ARIH1: variants seen among roughly 807,000 people sequenced by gnomAD.
The protein encoded by ARIH1 is ariadne RBR E3 ubiquitin protein ligase 1, also known as E3 ubiquitin-protein ligase ARIH1.
A neutral mutation model predicts 85.0 loss-of-function variants in ARIH1; 8 were observed. The ratio of observed to expected loss-of-function variants is 0.09; its 90% CI spans 0.06 to 0.17. ARIH1 has a LOEUF of 0.17. Among genes scored for constraint, ARIH1 ranks in the 10% least tolerant of loss-of-function variants. The pLI is 1.00. For synonymous variants in ARIH1, 238 were observed against 253.6 expected (o/e 0.94, Z 0.59); for missense variants, 311 against 718.1 (o/e 0.43, Z 6.48).
intron 2 of ARIH1, among the ~76,000 whole-genome samples, chr15:72,525,039 A>G (rs547720737): frequency 6.6e-6 from 1 of 152,212 alleles, no homozygotes; most frequent in East Asian, 1.9e-4. Context: ...GGTGCGTGCC[A>G]CCATCTCTGG....
At chr15:72,556,116 T>G (rs2064173513) in intron 5 of ARIH1, among the ~76,000 whole-genome samples, 1 of 152,230 alleles carries the variant, frequency 6.6e-6, no homozygotes, top group South Asian at 2.1e-4. Context: ...GCATGGTAGC[T>G]AGATTTTGAT....
chr15:72,524,100 C>T, intron 2 of ARIH1, among the ~76,000 whole-genome samples: 1 of 151,994 alleles, frequency 6.6e-6, no homozygotes, highest in Middle Eastern at 3.4e-3. Flanking sequence ...GCGCCTGCCA[C>T]CATGCCTGGC....
At chr15:72,490,951 A>G (rs1246048434) in intron 1 of ARIH1, among the ~76,000 whole-genome samples, 1 of 152,072 alleles carries the variant, frequency 6.6e-6, no homozygotes, top group African/African-American at 2.4e-5. Flanking sequence ...CCCCGTGTCT[A>G]CTAAAAATAT....
At chr15:72,545,367 C>A (rs1470340069) in intron 3 of ARIH1, among the ~76,000 whole-genome samples, 2 of 152,192 alleles carry the variant, frequency 1.3e-5, no homozygotes, top group Admixed American at 1.3e-4. Flanking sequence ...TGCTAGGGAA[C>A]TCTCAGAATT....
At chr15:72,545,589 A>G (rs974992224) in intron 3 of ARIH1, among the ~76,000 whole-genome samples, 6 of 152,228 alleles carry the variant, frequency 3.9e-5, no homozygotes, top group African/African-American at 1.4e-4. Flanking sequence ...CACTTGGGGA[A>G]GCCAAGGTGG....
At chr15:72,514,550 C>A (rs965699762) in intron 1 of ARIH1, among the ~76,000 whole-genome samples, 2 of 151,148 alleles carry the variant, frequency 1.3e-5, no homozygotes, top group Admixed American at 6.6e-5. Context: ...ACTGAAAATA[C>A]AAAATATTAG....
intron 3 of ARIH1, among the ~76,000 whole-genome samples, chr15:72,550,026 GATA>G (rs1049104384): frequency 2.2e-4 from 33 of 152,120 alleles, no homozygotes; most frequent in Admixed American, 1.8e-3. Flanking sequence ...AGATATCTGC[GATA>G]ATAATATGTT....
At chr15:72,561,926 T>C (rs965134927) in intron 6 of ARIH1, among the ~76,000 whole-genome samples, 10 of 152,156 alleles carry the variant, frequency 6.6e-5, no homozygotes, top group Non-Finnish European at 1.5e-4. Flanking sequence ...TGAGCCGAGA[T>C]GGCGCCACTG....
intron 6 of ARIH1, among the ~76,000 whole-genome samples, chr15:72,562,481 G>C (rs942591943): frequency 2.0e-5 from 3 of 151,920 alleles, no homozygotes; most frequent in Non-Finnish European, 2.9e-5. Flanking sequence ...TATTTGAAAT[G>C]GTCAATGGAC....
intron 1 of ARIH1, among the ~76,000 whole-genome samples, chr15:72,506,674 A>T (rs948741489): frequency 2.2e-4 from 34 of 152,220 alleles, no homozygotes; most frequent in Admixed American, 3.3e-4. Flanking sequence ...GAGCTTGTAG[A>T]TTTTATGCAA....
At chr15:72,574,893 G>T (rs2064262999) in intron 11 of ARIH1, among the ~76,000 whole-genome samples, 1 of 130,576 alleles carries the variant, frequency 7.7e-6, no homozygotes, top group African/African-American at 2.7e-5. Context: ...AACATAGTAA[G>T]ACCCCCCCGC....
chr15:72,574,544 T>C (rs934718514), intron 11 of ARIH1, among the ~76,000 whole-genome samples: 3 of 152,246 alleles, frequency 2.0e-5, no homozygotes, highest in African/African-American at 4.8e-5. Flanking sequence ...ACCTGTGTTA[T>C]AGAAAATTGT....
intron 2 of ARIH1, among the ~76,000 whole-genome samples, chr15:72,525,037 C>A (rs1197652992): frequency 2.0e-5 from 3 of 152,136 alleles, no homozygotes; most frequent in Non-Finnish European, 4.4e-5. Flanking sequence ...CAGGTGCGTG[C>A]CACCATCTCT....
chr15:72,552,778 T>G (rs1421273462), intron 3 of ARIH1, among the ~76,000 whole-genome samples: 2 of 122,784 alleles, frequency 1.6e-5, no homozygotes, highest in Non-Finnish European at 3.2e-5. Context: ...GGGAGGCCTG[T>G]TTTTTTTTTT....
chr15:72,474,713 A>G lies in ARIH1; in HGVS notation c.74A>G (p.Glu25Gly). ...EECSEEDSGAEEEEDEDDDEP... is the reference protein window; with the variant it reads ...EECSEEDSGAGEEEDEDDDEP... ...TGCAGTGAGGAGGACAGCGGCGCCG[A>G]GGAGGAGGAGGACGAAGACGACGAC... is the stretch of plus-strand genomic sequence containing the variant. The change falls in exon 1 of 14, where the codon GAG (glutamate) becomes GGG (glycine). Residue 25 changes from glutamate (E) to glycine (G), a missense_variant. Physicochemically the swap from Glu to Gly is moderately conservative, Grantham distance 98 (BLOSUM62 -2). Coordinates refer to ENST00000379887, the MANE Select transcript of ARIH1 (RefSeq NM_005744.5). 6.6e-7 allele frequency: 1 copy of G among 1,522,296 alleles called. No homozygotes were observed. The highest frequency in any genetic ancestry group is 8.8e-7 in the Non-Finnish European group (1 of 1,132,434). 94.3% of individuals were successfully genotyped at this position (1,522,296 alleles called of 1,614,324 possible). A position where few individuals can be genotyped will look rare whatever the true frequency, so the allele number is the denominator to read the frequency against.
chr15:72,486,631 A>G (rs1226372018), intron 1 of ARIH1, among the ~76,000 whole-genome samples: 3 of 146,726 alleles, frequency 2.0e-5, no homozygotes, highest in Admixed American at 1.4e-4. Flanking sequence ...GCTCTCTAAC[A>G]TCTGCTCTGG....
At chr15:72,480,469 C>T (rs1359041218) in intron 1 of ARIH1, among the ~76,000 whole-genome samples, 2 of 151,984 alleles carry the variant, frequency 1.3e-5, no homozygotes, top group South Asian at 2.1e-4. Context: ...CCATGTTGGC[C>T]AGGCTGGTCT....
intron 2 of ARIH1, among the ~76,000 whole-genome samples, chr15:72,532,379 TAAG>T (rs1180603271): frequency 2.0e-5 from 3 of 151,862 alleles, no homozygotes; most frequent in Non-Finnish European, 4.4e-5. Flanking sequence ...AAAACTGACA[TAAG>T]AAATAGTAAA....
intron 7 of ARIH1, among the ~76,000 whole-genome samples, chr15:72,564,849 C>CTTTTT (rs996494227): frequency 6.7e-6 from 1 of 149,134 alleles, no homozygotes; most frequent in Admixed American, 6.7e-5. Flanking sequence ...CTCTGGGCCC[C>CTTTTT]TTTTTTTTTT....
Sources: gnomAD v4.1 joint callset for allele counts (sites outside exome capture counted in the v4.1 genomes callset) on GRCh38, gnomAD v4.1.1 for gene constraint, MANE v1.5 for transcripts, NCBI Gene and HGNC (gene_info 2026-07-23, HGNC 2026-07-21) for gene names.